DAPK2: variants seen among roughly 807,000 people sequenced by gnomAD.
The protein encoded by DAPK2 is death-associated protein kinase 2.
A neutral mutation model predicts 44.1 loss-of-function variants in DAPK2; 35 were observed. The observed-to-expected ratio is 0.79, with a 90% CI of 0.61 to 1.05. The LOEUF (loss-of-function observed/expected upper bound fraction) is 1.05. Among genes scored for constraint, DAPK2 ranks in the 50% least tolerant of loss-of-function variants. The pLI is 0.00. For missense variants in DAPK2, 453 were observed against 483.2 expected (o/e 0.94, Z 0.59); for synonymous variants, 174 against 182.6 (o/e 0.95, Z 0.38).
At chr15:63,914,241 C>A (rs542331271) in intron 8 of DAPK2, among the ~76,000 whole-genome samples, 16 of 152,002 alleles carry the variant, frequency 1.1e-4, no homozygotes, top group Admixed American at 9.8e-4. Flanking sequence ...GGTGGGGTGA[C>A]CCAAAGCTGG....
rs2140450589 is a variant in DAPK2, at chr15:63,939,475, T to A, written c.454-114A>T. ...CTTTGGGGTTTGGGGTGGGACTTGG[T>A]GTTCTTTTTAGGAGACTGAAACAGC... On this transcript the variant is annotated intron_variant, in intron 3 of 10. Transcript: ENST00000261891. This position sits in a 1 kb window ranked among gnomAD's most constrained non-coding sequence, Gnocchi z 4.3. The A allele has an allele frequency of 9.7e-7, 1 of 1,029,532 alleles. No individual in the cohort carries two copies. The highest frequency in any genetic ancestry group is 2.6e-5 in the East Asian group (1 of 38,488). 63.8% of individuals were successfully genotyped at this position (1,029,532 alleles called of 1,614,324 possible).
intron 1 of DAPK2, among the ~76,000 whole-genome samples, chr15:64,028,357 C>T (rs971488445): frequency 2.1e-4 from 32 of 152,174 alleles, no homozygotes; most frequent in African/African-American, 7.2e-4. Flanking sequence ...CTGCACCCGA[C>T]CCTATTTATT....
chr15:63,936,236 C>A (rs1365874012), intron 4 of DAPK2, among the ~76,000 whole-genome samples: 1 of 152,214 alleles, frequency 6.6e-6, no homozygotes, highest in South Asian at 2.1e-4. Flanking sequence ...TTGCTGCTCA[C>A]TGCTCTAGCT....
At chr15:64,031,240 T>C (rs960805297) in intron 1 of DAPK2, among the ~76,000 whole-genome samples, 24 of 151,850 alleles carry the variant, frequency 1.6e-4, no homozygotes, top group Non-Finnish European at 2.8e-4. Flanking sequence ...GATTTTCTTT[T>C]TTTTTTTTTT....
chr15:64,037,533 A>G (rs2080242862), intron 1 of DAPK2, among the ~76,000 whole-genome samples: 1 of 152,234 alleles, frequency 6.6e-6, no homozygotes, highest in Non-Finnish European at 1.5e-5. Flanking sequence ...CCTGGGGAGC[A>G]TAAACTGCCA....
At chr15:63,970,884 G>T (rs1190976204) in intron 3 of DAPK2, among the ~76,000 whole-genome samples, 1 of 152,160 alleles carries the variant, frequency 6.6e-6, no homozygotes, top group African/African-American at 2.4e-5. Context: ...TAAATGATCA[G>T]TGGCCCCTAC....
intron 2 of DAPK2, among the ~76,000 whole-genome samples, chr15:63,973,299 C>T (rs769143795): frequency 7.9e-5 from 12 of 152,192 alleles, no homozygotes; most frequent in Non-Finnish European, 1.5e-4. Context: ...CAGAGAACTG[C>T]CTTTGGTGTG....
At chr15:63,992,936 C>T (rs1353890212) in intron 1 of DAPK2, among the ~76,000 whole-genome samples, 3 of 152,218 alleles carry the variant, frequency 2.0e-5, no homozygotes, top group Non-Finnish European at 4.4e-5. Context: ...ACCTTAAAAA[C>T]GAGCTTGTGC....
At chr15:63,979,166 T>TA (rs1199652145) in intron 2 of DAPK2, among the ~76,000 whole-genome samples, 1 of 152,182 alleles carries the variant, frequency 6.6e-6, no homozygotes, top group East Asian at 1.9e-4. Flanking sequence ...CAGGGAGACT[T>TA]ACATTTTTCA....
In DAPK2 at chr15:63,991,480, G is replaced by A. The variant is rs117475994; in HGVS notation, c.93-7726C>T. 1.5e-3 allele frequency: 533 copies of A among 366,486 alleles called. 10 individuals carry two copies. In the East Asian group the frequency reaches 0.035, roughly 24 times the overall value. The allele number at this position is 366,486 out of a possible 1,614,324, so 22.7% of individuals were successfully genotyped here. A position where few individuals can be genotyped will look rare whatever the true frequency, so the allele number is the denominator to read the frequency against. On this transcript the variant is annotated intron_variant, in intron 1 of 10. Coordinates refer to ENST00000261891, the Ensembl canonical transcript of DAPK2. The stretch of plus-strand genomic sequence containing the variant: ...GCTACTGTCTTTCTAGTTCCTTGAC[G>A]ATGGCTTTGAAATTTGAGGTGTGGA...
At chr15:64,018,579 T>C (rs971490698) in intron 1 of DAPK2, among the ~76,000 whole-genome samples, 2 of 152,110 alleles carry the variant, frequency 1.3e-5, no homozygotes, top group Admixed American at 1.3e-4. Flanking sequence ...TGGCCACCTG[T>C]CCCGTGGTTC....
At chr15:64,011,813 T>G (rs1370621677) in intron 1 of DAPK2, among the ~76,000 whole-genome samples, 3 of 152,234 alleles carry the variant, frequency 2.0e-5, no homozygotes, top group Non-Finnish European at 4.4e-5. Flanking sequence ...CCTTGAGAAC[T>G]CTGTCTCCAT....
chr15:63,911,242 A>AAAT (rs142633720), intron 10 of DAPK2: 43 of 144,632 alleles, frequency 3.0e-4, no homozygotes, highest in African/African-American at 1.2e-3. Context: ...AAAAAAAAAA[A>AAAT]AGAAGAAGAA....
At chr15:64,004,496 A>G (rs1351409066) in intron 1 of DAPK2, among the ~76,000 whole-genome samples, 1 of 152,186 alleles carries the variant, frequency 6.6e-6, no homozygotes, top group Non-Finnish European at 1.5e-5. Flanking sequence ...TCATGCTGAT[A>G]CCTTTGCCTG....
At chr15:64,003,731 G>C (rs2079156736) in intron 1 of DAPK2, among the ~76,000 whole-genome samples, 1 of 152,148 alleles carries the variant, frequency 6.6e-6, no homozygotes, top group Non-Finnish European at 1.5e-5. Flanking sequence ...TTAGCCTCCA[G>C]AGTAGCTGGG....
intron 8 of DAPK2, chr15:63,921,317 T>G (rs1004826578): frequency 3.3e-5 from 5 of 152,246 alleles, no homozygotes; most frequent in African/African-American, 1.2e-4. Context: ...TTAGAAGGTC[T>G]CTACTTTTGC....
chr15:63,943,184 G>T (rs2077361243), intron 3 of DAPK2, among the ~76,000 whole-genome samples: 2 of 151,562 alleles, frequency 1.3e-5, no homozygotes. Context: ...AGAACTTTGG[G>T]TGGCAGAGGC....
chr15:64,002,973 CCT>C (rs1491231337), intron 1 of DAPK2, among the ~76,000 whole-genome samples: 875 of 75,516 alleles, frequency 0.012, 44 homozygotes, highest in Admixed American at 0.015. Context: ...TGTCGTGGGA[CCT>C]GTGTGTGTGT....
intron 3 of DAPK2, among the ~76,000 whole-genome samples, chr15:63,956,598 T>A (rs1437666339): frequency 6.6e-6 from 1 of 152,072 alleles, no homozygotes; most frequent in Non-Finnish European, 1.5e-5. Flanking sequence ...AAATTTTTTT[T>A]TTTTTTTAGA....
Sources: allele counts gnomAD v4.1 joint callset (sites outside exome capture counted in the v4.1 genomes callset), GRCh38; gene constraint gnomAD v4.1.1; non-coding constraint Gnocchi (gnomAD v3.1); transcripts MANE v1.5; gene names NCBI Gene and HGNC (gene_info 2026-07-23, HGNC 2026-07-21).